Variants in CNTN5 observed in about 807,000 individuals in gnomAD.
CNTN5 encodes contactin-5.
CNTN5 carries 77 observed loss-of-function variants against 129.1 expected under a neutral mutation model. The observed-to-expected ratio is 0.60, with a 90% CI of 0.50 to 0.72. CNTN5 has a LOEUF of 0.72. Among genes scored for constraint, CNTN5 ranks in the 30% least tolerant of loss-of-function variants. The probability of loss-of-function intolerance (pLI) is 0.00; values close to 1 mark genes in which losing one functional copy is unlikely to be tolerated. For missense variants in CNTN5, 1,478 were observed against 1,328.8 expected, an observed-to-expected ratio of 1.11 and a Z score of -1.75; for synonymous variants, 509 against 465.6, an observed-to-expected ratio of 1.09 and a Z score of -1.20.
chr11:99,968,656 C>CTCTTT (rs1951161575), intron 8 of CNTN5, among the ~76,000 whole-genome samples: 9 of 73,870 alleles, frequency 1.2e-4, no homozygotes, highest in East Asian at 5.5e-4. Flanking sequence ...GCTTTGGGTA[C>CTCTTT]TTTTTTTTTT....
At chr11:99,772,318 C>T (rs533603959) in intron 3 of CNTN5, among the ~76,000 whole-genome samples, 10 of 152,028 alleles carry the variant, frequency 6.6e-5, no homozygotes, top group South Asian at 6.2e-4. Flanking sequence ...AGGTTAAGTC[C>T]GGAATGTATG....
At chr11:99,835,590 A>G (rs1947277217) in intron 4 of CNTN5, among the ~76,000 whole-genome samples, 1 of 152,222 alleles carries the variant, frequency 6.6e-6, no homozygotes, top group South Asian at 2.1e-4. Flanking sequence ...CACCCATACA[A>G]CATAAATGTG....
intron 3 of CNTN5, among the ~76,000 whole-genome samples, chr11:99,721,801 A>G (rs1336201462): frequency 1.3e-5 from 2 of 152,112 alleles, no homozygotes; most frequent in Non-Finnish European, 2.9e-5. Context: ...AAAACATACA[A>G]CCCCATTTAA....
At chr11:99,382,845 CTTTTTTTTTTTTT>C (rs1163660333) in intron 2 of CNTN5, among the ~76,000 whole-genome samples, 4 of 77,032 alleles carry the variant, frequency 5.2e-5, no homozygotes, top group South Asian at 5.7e-4. Flanking sequence ...CTCTAAATAA[CTTTTTTTTTTTTT>C]TTTTTTTTTT....
intron 13 of CNTN5, among the ~76,000 whole-genome samples, chr11:100,122,244 C>G (rs907198582): frequency 6.6e-6 from 1 of 151,930 alleles, no homozygotes; most frequent in African/African-American, 2.4e-5. Context: ...TGGTATAAGT[C>G]TTGGAGTCCC....
At chr11:99,129,441 C>T (rs1858818944) in intron 1 of CNTN5, among the ~76,000 whole-genome samples, 1 of 151,916 alleles carries the variant, frequency 6.6e-6, no homozygotes, top group Non-Finnish European at 1.5e-5. Flanking sequence ...GAAAACAAAC[C>T]TCTGAGAACT....
In CNTN5 at chr11:99,746,746, C is replaced by T. The variant is rs190320274; in HGVS notation, c.56-72798C>T. Among the ~76,000 whole-genome samples, 11 of 152,298 alleles carry T rather than the reference C, an allele frequency of 7.2e-5. No homozygotes were observed. In the East Asian group the frequency reaches 1.2e-3, roughly 16 times the overall value. On this transcript the variant is annotated intron_variant, in intron 3 of 24. Coordinates refer to ENST00000524871, the MANE Select transcript of CNTN5 (RefSeq NM_014361.4). ...CTGTCTGTGGAAAAATTGTCTTCGA[C>T]GAAACCAGCCCTGTGTGGCTGGGGA... is the stretch of plus-strand genomic sequence containing the variant.
At chr11:100,324,748 T>C (rs1204600330) in intron 21 of CNTN5, among the ~76,000 whole-genome samples, 2 of 152,202 alleles carry the variant, frequency 1.3e-5, no homozygotes, top group Non-Finnish European at 2.9e-5. Flanking sequence ...GAAAAATAAA[T>C]ACAAATTTAT....
chr11:100,321,368 T>C lies in CNTN5; in HGVS notation c.2730+12900T>C, dbSNP rs77281150. Among the ~76,000 whole-genome samples the C allele has an allele frequency of 2.0e-3, 306 of 151,970 alleles. 1 individual carries two copies. The highest frequency in any genetic ancestry group is 3.3e-3 in the Non-Finnish European group (226 of 67,960). On this transcript the variant is annotated intron_variant, in intron 21 of 24. Coordinates refer to ENST00000524871, the MANE Select transcript of CNTN5 (RefSeq NM_014361.4). ...TTTTTCAGGTAGTTCACTACTGGTG[T>C]ATAAAAACACTACTAAATTTTGTAT...
intron 1 of CNTN5, among the ~76,000 whole-genome samples, chr11:99,299,766 C>T (rs889000698): frequency 2.6e-5 from 4 of 152,218 alleles, no homozygotes; most frequent in African/African-American, 9.6e-5. Context: ...ATAGTGTGCG[C>T]ATGTGTGTGT....
At chr11:100,289,049 A>T (rs1322300969) in intron 18 of CNTN5, among the ~76,000 whole-genome samples, 1 of 152,222 alleles carries the variant, frequency 6.6e-6, no homozygotes, top group African/African-American at 2.4e-5. Context: ...CTCTCCAAAG[A>T]CTAAGCCAGG....
Position 99,484,991 on chromosome 11 carries a change from G to C in CNTN5, c.-70-71154G>C, listed in dbSNP as rs374772808. 7.9e-5 allele frequency among the ~76,000 whole-genome samples: 12 copies of C among 152,234 alleles called. No homozygotes were observed. In the East Asian group the frequency reaches 1.2e-3, roughly 15 times the overall value. ...TTGTTACAGCTAGATAGGAGGAATA[G>C]GTTAGTGTCCTGTAGCTCTGTAGGA... is the stretch of plus-strand genomic sequence containing the variant. On this transcript the variant is annotated intron_variant, in intron 2 of 24. Coordinates refer to ENST00000524871, the MANE Select transcript of CNTN5 (RefSeq NM_014361.4).
At chr11:99,122,785 G>A (rs1369763018) in intron 1 of CNTN5, among the ~76,000 whole-genome samples, 1 of 152,068 alleles carries the variant, frequency 6.6e-6, no homozygotes, top group Non-Finnish European at 1.5e-5. Context: ...CTATAAATGA[G>A]AACATACAGT....
chr11:100,332,570 GA>G (rs1591521134), intron 21 of CNTN5, among the ~76,000 whole-genome samples: 1 of 151,914 alleles, frequency 6.6e-6, no homozygotes, highest in East Asian at 1.9e-4. Context: ...GATCATCATA[GA>G]TGCAAAAATC....
intron 3 of CNTN5, among the ~76,000 whole-genome samples, chr11:99,704,590 A>G (rs375003383): frequency 2.0e-5 from 3 of 151,218 alleles, no homozygotes; most frequent in Non-Finnish European, 3.0e-5. Context: ...ATAATACAAA[A>G]AAGAGAACCC....
chr11:99,285,223 G>T (rs1863880105), intron 1 of CNTN5, among the ~76,000 whole-genome samples: 1 of 151,996 alleles, frequency 6.6e-6, no homozygotes, highest in East Asian at 1.9e-4. Context: ...ATTTGTTATT[G>T]CACGTCTACT....
intron 9 of CNTN5, among the ~76,000 whole-genome samples, chr11:100,020,395 C>T (rs893688662): frequency 6.6e-6 from 1 of 151,920 alleles, no homozygotes; most frequent in Non-Finnish European, 1.5e-5. Flanking sequence ...CTGTCCTTTC[C>T]TCATGGTGTG....
rs923101860 is a variant in CNTN5 at position 99,947,716 on chromosome 11, G to A, written c.674-9090G>A. 3.3e-5 allele frequency among the ~76,000 whole-genome samples: 5 copies of A among 151,838 alleles called. No individual in the cohort carries two copies. The South Asian group carries it at 6.2e-4, about 19-fold the overall frequency. On this transcript the variant is annotated intron_variant, in intron 7 of 24. Coordinates refer to ENST00000524871, the MANE Select transcript of CNTN5 (RefSeq NM_014361.4). ...ATTTAGGCAGTTCACAACTCTAGAG[G>A]GTTTTGTCCTCTGTGACTCACCTAC...
Position 100,070,484 on chromosome 11 carries a change from G to C in CNTN5, c.1223G>C (p.Arg408Pro), listed in dbSNP as rs201259702. The stretch of plus-strand genomic sequence containing the variant: ...CAGTTAGACAGTGGGAGCCCTCTCC[G>C]ATGGGAATGTAAGGCTACTGGAAAA... ...DTQLDSGSPL[R>P]WECKATGKPR... Residue 408 changes from arginine to proline, a missense_variant, in exon 11 of 25, where the codon CGA becomes CCA. Coordinates refer to ENST00000524871, the MANE Select transcript of CNTN5 (RefSeq NM_014361.4). The C allele has an allele frequency of 1.2e-6, 2 of 1,612,798 alleles. No individual in the cohort carries two copies. Among genetic ancestry groups the C allele is most frequent in the South Asian group, 1.1e-5 (1 of 90,986 alleles).
Sources: allele counts gnomAD v4.1 joint callset (sites outside exome capture counted in the v4.1 genomes callset), GRCh38; gene constraint gnomAD v4.1.1; transcripts MANE v1.5; gene names NCBI Gene and HGNC (gene_info 2026-07-23, HGNC 2026-07-21).